The following CSNK2A1 variants were observed in gnomAD, a reference collection of about 807,000 sequenced individuals.
CSNK2A1 encodes casein kinase II subunit alpha.
CSNK2A1 carries 10 observed loss-of-function variants against 62.9 expected under a neutral mutation model. The observed-to-expected ratio is 0.16, with a 90% CI of 0.10 to 0.27. The LOEUF (loss-of-function observed/expected upper bound fraction) is 0.27, where lower values mean the gene tolerates loss of function less well. Among genes scored for constraint, CSNK2A1 ranks in the 10% least tolerant of loss-of-function variants. CSNK2A1 has a pLI of 1.00. For synonymous variants in CSNK2A1, 124 were observed against 167.8 expected (o/e 0.74, Z 2.02); for missense variants, 160 against 492.0 (o/e 0.33, Z 6.38).
intron 4 of CSNK2A1, 23 bp downstream of exon 4, chr20:505,095 C>T: frequency 6.3e-7 from 1 of 1,578,822 alleles, no homozygotes; most frequent in Non-Finnish European, 8.6e-7. Flanking sequence ...CCAAATACCT[C>T]TGAAATTATC....
rs2122478857 is a variant in CSNK2A1, at chr20:479,376, G to A, written c.*4585C>T. 1 of 152,282 alleles carries A rather than the reference G, an allele frequency of 6.6e-6. No homozygotes were observed. The highest frequency in any genetic ancestry group is 2.1e-4 in the South Asian group (1 of 4,826). 9.4% of individuals were successfully genotyped at this position (152,282 alleles called of 1,614,324 possible). ...CAGATAGGAAATATTGGGACCTCTG[G>A]GGAAGGGAGGAAGAAGAGGGTATCA... On this transcript the variant is annotated 3_prime_UTR_variant, in exon 14 of 14. Coordinates refer to ENST00000217244, the MANE Select transcript of CSNK2A1 (RefSeq NM_177559.3).
chr20:480,333 C>T lies in CSNK2A1; in HGVS notation c.*3628G>A, dbSNP rs550564424. On this transcript the variant is annotated 3_prime_UTR_variant, in exon 14 of 14. Transcript: ENST00000217244. ...GAGTGGAACTACAATTTATTAAGCA[C>T]CTATTATTACAAGCCAAGTAGGGTG... 2.1e-5 allele frequency: 3 copies of T among 145,006 alleles called. No homozygotes were observed. The highest frequency in any genetic ancestry group is 6.7e-5 in the Admixed American group (1 of 14,926). 9.0% of individuals were successfully genotyped at this position (145,006 alleles called of 1,614,324 possible). A position where few individuals can be genotyped will look rare whatever the true frequency, so the allele number is the denominator to read the frequency against.
At chr20:524,980 G>A (rs2019046983) in intron 2 of CSNK2A1, among the ~76,000 whole-genome samples, 1 of 151,642 alleles carries the variant, frequency 6.6e-6, no homozygotes, top group Non-Finnish European at 1.5e-5. Context: ...GCTAAGTATG[G>A]TGCATGCACC....
chr20:513,764 C>A (rs1568540038), intron 2 of CSNK2A1, among the ~76,000 whole-genome samples: 1 of 152,166 alleles, frequency 6.6e-6, no homozygotes, highest in African/African-American at 2.4e-5. Context: ...GTCTGAATGA[C>A]CCTTGAAGCT....
rs539699340 is a variant in CSNK2A1, at chr20:491,553, C to A, written c.621+701G>T. Among the ~76,000 whole-genome samples the A allele has an allele frequency of 2.0e-5, 3 of 152,226 alleles. No homozygotes were observed. In the South Asian group the frequency reaches 6.2e-4, roughly 32 times the overall value. On this transcript the variant is annotated intron_variant, in intron 9 of 13. Transcript: ENST00000217244. ...GGGTGTGGTAGTGCACGCCTGTAGTCCCAGCTACTCAGGAGGCTAAGCTGG... is the reference window on the plus strand; with the variant it reads ...GGGTGTGGTAGTGCACGCCTGTAGTACCAGCTACTCAGGAGGCTAAGCTGG...
intron 7 of CSNK2A1, among the ~76,000 whole-genome samples, chr20:497,353 G>T (rs767805503): frequency 6.6e-6 from 1 of 152,076 alleles, no homozygotes; most frequent in Non-Finnish European, 1.5e-5. Context: ...TCACTATGTT[G>T]CTCAGGCTGG....
In CSNK2A1 at chr20:508,470, A is replaced by C. The variant is rs1349282369; in HGVS notation, c.82T>G (p.Ser28Ala). 6.2e-7 allele frequency: 1 copy of C among 1,614,090 alleles called. No homozygotes were observed. Among genetic ancestry groups the C allele is most frequent in the South Asian group, 1.1e-5 (1 of 91,066 alleles). ...AATTACCCCCATTCCACCACATGTG[A>C]CTCGTAATCCCAGTATTCTCGAGGT... ...HRPREYWDYE[S>A]HVVEWGNQDD... Residue 28 changes from serine (S) to alanine (A), a missense_variant, in exon 3 of 14, where the codon TCA (serine) becomes GCA (alanine). Ser to Ala is a moderately conservative substitution (Grantham distance 99, BLOSUM62 1). Transcript: ENST00000217244.
rs1452544129 is a variant in CSNK2A1, at chr20:499,209, T to C, written c.366+46A>G. 2 of 1,482,952 alleles carry C rather than the reference T, an allele frequency of 1.3e-6. No individual in the cohort carries two copies. The highest frequency in any genetic ancestry group is 1.8e-6 in the Non-Finnish European group (2 of 1,092,516). The allele number at this position is 1,482,952 out of a possible 1,614,324, so 91.9% of individuals were successfully genotyped here. Reference sequence around the variant, plus strand: ...AACAGCATCATCCCCAAAGGCTATGTGGTCTAAAAACCCACTAGCCCGAAA... The same window carrying C: ...AACAGCATCATCCCCAAAGGCTATGCGGTCTAAAAACCCACTAGCCCGAAA... On this transcript the variant is annotated intron_variant, in intron 6 of 13. Coordinates refer to ENST00000217244, the MANE Select transcript of CSNK2A1 (RefSeq NM_177559.3). This position sits in a 1 kb window ranked among gnomAD's most constrained non-coding sequence, Gnocchi z 4.2.
chr20:517,294 C>T (rs1227494488), intron 2 of CSNK2A1, among the ~76,000 whole-genome samples: 1 of 152,248 alleles, frequency 6.6e-6, no homozygotes, highest in African/African-American at 2.4e-5. Flanking sequence ...AATGTCCATA[C>T]TTAACCTTAA....
chr20:493,498 T>C (rs1454790858), intron 8 of CSNK2A1, among the ~76,000 whole-genome samples: 1 of 152,222 alleles, frequency 6.6e-6, no homozygotes, highest in Non-Finnish European at 1.5e-5. Context: ...GGAGAGATTA[T>C]AGATTCACAG....
Position 480,334 on chromosome 20 carries a change from C to A in CSNK2A1, c.*3627G>T, listed in dbSNP as rs2017933141. On this transcript the variant is annotated 3_prime_UTR_variant, in exon 14 of 14. Transcript: ENST00000217244. ...AGTGGAACTACAATTTATTAAGCAC[C>A]TATTATTACAAGCCAAGTAGGGTGT... 1 of 144,420 alleles carries A rather than the reference C, an allele frequency of 6.9e-6. No homozygotes were observed. Among genetic ancestry groups the A allele is most frequent in the Non-Finnish European group, 1.5e-5 (1 of 67,650 alleles). 8.9% of individuals were successfully genotyped at this position (144,420 alleles called of 1,614,324 possible). A position where few individuals can be genotyped will look rare whatever the true frequency, so the allele number is the denominator to read the frequency against.
intron 2 of CSNK2A1, among the ~76,000 whole-genome samples, chr20:524,079 TA>T (rs1020762654): frequency 5.3e-5 from 8 of 150,818 alleles, no homozygotes; most frequent in African/African-American, 4.9e-5. Context: ...TGTATTAATT[TA>T]AAAAAAAATT....
intron 3 of CSNK2A1, among the ~76,000 whole-genome samples, chr20:505,511 C>A (rs553888566): frequency 6.6e-6 from 1 of 151,682 alleles, no homozygotes; most frequent in Non-Finnish European, 1.5e-5. Context: ...AGGCGCCTGC[C>A]ACCATGCCCG....
At position 537,105 on chromosome 20, in the gene CSNK2A1, A is replaced by G. The variant is rs186078358; in HGVS notation, c.-227+6567T>C. 2.0e-5 allele frequency among the ~76,000 whole-genome samples: 3 copies of G among 152,314 alleles called. No individual in the cohort carries two copies. The East Asian group carries it at 5.8e-4, about 29-fold the overall frequency. Reference sequence around the variant, plus strand: ...ATTTCAAATGTTCACTTTTCCAAGCAAATTAAAATGTTTCAGCTAATAAAA... The same window carrying G: ...ATTTCAAATGTTCACTTTTCCAAGCGAATTAAAATGTTTCAGCTAATAAAA... On this transcript the variant is annotated intron_variant, in intron 1 of 13. Transcript: ENST00000217244.
rs754197483 is a variant in CSNK2A1 at position 499,848 on chromosome 20, A to G, written c.300T>C (p.Ile100=). ...CTATACTCACCACAGGGTCTTTTACAATGTCTGCCAGTGTGATGATGTTGG... is the reference window on the plus strand; with the variant it reads ...CTATACTCACCACAGGGTCTTTTACGATGTCTGCCAGTGTGATGATGTTGG... ...GGPNIITLAD[I]VKDPVSRTPA... Residue 100 remains isoleucine (I), a synonymous_variant, in exon 5 of 14, where the codon ATT becomes ATC. Transcript: ENST00000217244. The surrounding 1 kb of genome is among the most constrained non-coding windows in gnomAD (Gnocchi z 4.2). 6.2e-7 allele frequency: 1 copy of G among 1,613,756 alleles called. No individual in the cohort carries two copies. The highest frequency in any genetic ancestry group is 8.5e-7 in the Non-Finnish European group (1 of 1,179,972).
chr20:525,676 A>AAT (rs2019069320), intron 2 of CSNK2A1, among the ~76,000 whole-genome samples: 2 of 146,982 alleles, frequency 1.4e-5, no homozygotes, highest in South Asian at 4.3e-4. Context: ...AAGAAAAAAA[A>AAT]AATAATAATA....
chr20:489,752 A>G (rs767358248), intron 10 of CSNK2A1, 28 bp downstream of exon 10: 5 of 1,586,562 alleles, frequency 3.2e-6, no homozygotes, highest in Non-Finnish European at 4.3e-6. Context: ...AGGCCAGTAC[A>G]TTTTTCAATG....
chr20:512,253 T>C (rs572297373), intron 2 of CSNK2A1, among the ~76,000 whole-genome samples: 4 of 152,202 alleles, frequency 2.6e-5, no homozygotes, highest in South Asian at 4.2e-4. Context: ...TATGAAGTTG[T>C]ATCTCATTGA....
Position 499,656 on chromosome 20 carries a change from G to C in CSNK2A1, c.315+177C>G. 1 of 629,596 alleles carries C rather than the reference G, an allele frequency of 1.6e-6. No homozygotes were observed. The highest frequency in any genetic ancestry group is 2.8e-6 in the Non-Finnish European group (1 of 354,274). 39.0% of individuals were successfully genotyped at this position (629,596 alleles called of 1,614,324 possible). On this transcript the variant is annotated intron_variant, in intron 5 of 13. Coordinates refer to ENST00000217244, the MANE Select transcript of CSNK2A1 (RefSeq NM_177559.3). The surrounding 1 kb of genome is among the most constrained non-coding windows in gnomAD (Gnocchi z 4.2). ...CTAGAAGAATAAGAAATAGTCTGTG[G>C]GTGGAGGTCTCTTTGAAAGAAAGAC...
Sources: gnomAD v4.1 joint callset for allele counts (sites outside exome capture counted in the v4.1 genomes callset) on GRCh38, gnomAD v4.1.1 for gene constraint, Gnocchi (gnomAD v3.1) non-coding constraint, MANE v1.5 for transcripts, NCBI Gene and HGNC (gene_info 2026-07-23, HGNC 2026-07-21) for gene names.